The following IAPP variants were observed in gnomAD, a reference collection of about 807,000 sequenced individuals.
IAPP encodes Islet amyloid polypeptide (diabetes-associated peptide; amylin).
Under a neutral mutation model 2.9 loss-of-function variants are expected in IAPP, and 4 were observed. That is an observed-to-expected ratio of 1.39 (90% CI 0.69 to 3.19). The LOEUF (loss-of-function observed/expected upper bound fraction) is 3.19. IAPP is among the 30% of genes most tolerant of loss of function. The pLI is 0.01. For synonymous variants in IAPP, 40 were observed against 42.1 expected, an observed-to-expected ratio of 0.95 and a Z score of 0.19; for missense variants, 114 against 105.3, an observed-to-expected ratio of 1.08 and a Z score of -0.36.
At chr12:21,356,529 A>C (rs913039794) in intron 1 of IAPP, among the ~76,000 whole-genome samples, 1 of 130,868 alleles carries the variant, frequency 7.6e-6, no homozygotes, top group African/African-American at 2.9e-5. Context: ...GTAAGAAAAA[A>C]ATGAGTCATG....
Position 21,378,572 on chromosome 12 carries a change from T to A in IAPP, c.*146T>A. On this transcript the variant is annotated 3_prime_UTR_variant, in exon 3 of 3. Coordinates refer to ENST00000240652, the MANE Select transcript of IAPP (RefSeq NM_000415.3). ...ACATATACCTTCTCAAAAGATTGTT[T>A]TATATGTAGTACTAACTAAGGTCCC... 1 of 664,246 alleles carries A rather than the reference T, an allele frequency of 1.5e-6. No homozygotes were observed. 41.1% of individuals were successfully genotyped at this position (664,246 alleles called of 1,614,324 possible).
intron 1 of IAPP, among the ~76,000 whole-genome samples, chr12:21,361,339 A>G (rs980309665): frequency 2.0e-5 from 3 of 152,168 alleles, no homozygotes; most frequent in Non-Finnish European, 4.4e-5. Flanking sequence ...TGTTAGAAGG[A>G]AAACTAACAA....
intron 2 of IAPP, among the ~76,000 whole-genome samples, chr12:21,374,101 A>T (rs768012809): frequency 2.0e-5 from 3 of 152,158 alleles, no homozygotes; most frequent in Non-Finnish European, 2.9e-5. Flanking sequence ...AATTACTTTC[A>T]GTAGGTAGCA....
At chr12:21,361,165 G>T (rs1432593971) in intron 1 of IAPP, among the ~76,000 whole-genome samples, 1 of 152,156 alleles carries the variant, frequency 6.6e-6, no homozygotes, top group East Asian at 1.9e-4. Flanking sequence ...CTCATACGGG[G>T]GATGCCCCTC....
At chr12:21,362,566 A>C (rs144436375) in intron 1 of IAPP, among the ~76,000 whole-genome samples, 6,543 of 152,290 alleles carry the variant, frequency 0.043, 152 homozygotes, top group African/African-American at 0.048. Context: ...CCTTAAATGT[A>C]AATGGGCTAA....
rs41275210 is a variant in IAPP at position 21,378,936 on chromosome 12, G to A, written c.*510G>A. 1,015 of 154,480 alleles carry A rather than the reference G, an allele frequency of 6.6e-3. 4 individuals are homozygous for A. The Middle Eastern group carries it at 0.067, about 10-fold the overall frequency. 9.6% of individuals were successfully genotyped at this position (154,480 alleles called of 1,614,324 possible). A position where few individuals can be genotyped will look rare whatever the true frequency, so the allele number is the denominator to read the frequency against. Reference sequence around the variant, plus strand: ...CTAAAAATACAAAAATTAGCCGGGGGTGGTGACATGTGCCTGTAATCCCAG... The same window carrying A: ...CTAAAAATACAAAAATTAGCCGGGGATGGTGACATGTGCCTGTAATCCCAG... On this transcript the variant is annotated 3_prime_UTR_variant, in exon 3 of 3. Coordinates refer to ENST00000240652, the MANE Select transcript of IAPP (RefSeq NM_000415.3).
chr12:21,367,519 A>G (rs1462881212), intron 1 of IAPP, among the ~76,000 whole-genome samples: 1 of 152,156 alleles, frequency 6.6e-6, no homozygotes, highest in African/African-American at 2.4e-5. Context: ...AAATATTATC[A>G]TATGAAGAGT....
intron 1 of IAPP, among the ~76,000 whole-genome samples, chr12:21,358,863 A>G (rs1938585963): frequency 6.6e-6 from 1 of 152,236 alleles, no homozygotes; most frequent in Admixed American, 6.5e-5. Flanking sequence ...CATGTAATCT[A>G]TACTTCATTT....
chr12:21,365,202 T>C (rs979740352), intron 1 of IAPP, among the ~76,000 whole-genome samples: 3 of 152,108 alleles, frequency 2.0e-5, no homozygotes, highest in Admixed American at 1.3e-4. Flanking sequence ...AACAGAGATA[T>C]AGACCAATGG....
chr12:21,359,089 G>A (rs1441711021), intron 1 of IAPP, among the ~76,000 whole-genome samples: 1 of 152,092 alleles, frequency 6.6e-6, no homozygotes, highest in Non-Finnish European at 1.5e-5. Context: ...GGGATTTTTA[G>A]ACCCCAGAAA....
chr12:21,364,013 T>C (rs1018488295), intron 1 of IAPP, among the ~76,000 whole-genome samples: 2 of 152,038 alleles, frequency 1.3e-5, no homozygotes, highest in African/African-American at 2.4e-5. Flanking sequence ...TTCCAATCAA[T>C]AGAAAAAGAG....
chr12:21,365,570 T>G (rs957055837), intron 1 of IAPP, among the ~76,000 whole-genome samples: 1 of 152,056 alleles, frequency 6.6e-6, no homozygotes, highest in African/African-American at 2.4e-5. Flanking sequence ...ACTAAAGAGC[T>G]TCTGCACATC....
At chr12:21,372,395 T>C (rs542451717), upstream of IAPP, among the ~76,000 whole-genome samples, 8 of 152,340 alleles carry the variant, frequency 5.3e-5, no homozygotes, top group South Asian at 4.1e-4. Context: ...ATTACTCTTA[T>C]GCTTTTAAAT....
intron 2 of IAPP, among the ~76,000 whole-genome samples, chr12:21,374,198 C>T (rs1053982025): frequency 3.9e-5 from 6 of 152,174 alleles, no homozygotes; most frequent in Admixed American, 1.3e-4. Flanking sequence ...AACTATGTCA[C>T]GTAAAACTCT....
chr12:21,372,841 T>C (rs1939899516), upstream of IAPP: 1 of 160,794 alleles, frequency 6.2e-6, no homozygotes, highest in Non-Finnish European at 1.4e-5. Flanking sequence ...CTGAGCTGCC[T>C]GATGTCAGAG....
chr12:21,377,918 C>A (rs1212366183), intron 2 of IAPP, among the ~76,000 whole-genome samples: 1 of 151,990 alleles, frequency 6.6e-6, no homozygotes, highest in Non-Finnish European at 1.5e-5. Flanking sequence ...AAAATAAATT[C>A]TTCAAGATTT....
At chr12:21,364,346 A>G (rs927747779) in intron 1 of IAPP, among the ~76,000 whole-genome samples, 2 of 152,208 alleles carry the variant, frequency 1.3e-5, no homozygotes, top group Admixed American at 6.5e-5. Context: ...AAAATTTAAC[A>G]GCTCTTCATG....
At chr12:21,362,787 C>T (rs1939028051) in intron 1 of IAPP, among the ~76,000 whole-genome samples, 1 of 152,092 alleles carries the variant, frequency 6.6e-6, no homozygotes, top group Non-Finnish European at 1.5e-5. Flanking sequence ...CAATAAAGAT[C>T]AAAAGAGACA....
intron 1 of IAPP, among the ~76,000 whole-genome samples, chr12:21,366,575 CA>C (rs1463958263): frequency 6.6e-6 from 1 of 151,756 alleles, no homozygotes; most frequent in African/African-American, 2.4e-5. Flanking sequence ...GAAATATAAA[CA>C]TTAAAAGATA....
Sources: gnomAD v4.1 joint callset for allele counts (sites outside exome capture counted in the v4.1 genomes callset) on GRCh38, gnomAD v4.1.1 for gene constraint, MANE v1.5 for transcripts, NCBI Gene and HGNC (gene_info 2026-07-23, HGNC 2026-07-21) for gene names.